The following TXNRD1 variants were observed in gnomAD, a reference collection of about 807,000 sequenced individuals.
TXNRD1 encodes the protein thioredoxin reductase 1, cytoplasmic.
Under a neutral mutation model 80.3 loss-of-function variants are expected in TXNRD1, and 57 were observed. That is an observed-to-expected ratio of 0.71 (90% CI 0.57 to 0.89). The LOEUF is 0.89. Ranked by LOEUF, TXNRD1 falls within the 40% of genes least tolerant of loss-of-function variation. The probability of loss-of-function intolerance (pLI) is 0.00; values close to 1 mark genes in which losing one functional copy is unlikely to be tolerated. For synonymous variants in TXNRD1, 291 were observed against 285.2 expected (o/e 1.02, Z -0.20); for missense variants, 730 against 803.0 (o/e 0.91, Z 1.10).
chr12:104,260,392 G>A (rs546118125), intron 3 of TXNRD1, among the ~76,000 whole-genome samples: 42 of 152,256 alleles, frequency 2.8e-4, no homozygotes, highest in African/African-American at 9.6e-4. Flanking sequence ...GCTTGGACCC[G>A]GGAGGCAGAG....
At chr12:104,339,506 C>A (rs1172057605) in intron 16 of TXNRD1, 2 of 674,588 alleles carry the variant, frequency 3.0e-6, no homozygotes, top group East Asian at 2.9e-5. Flanking sequence ...ATTTATAGAG[C>A]TGTGCCTTAA....
chr12:104,309,923 C>G (rs2035067716), intron 4 of TXNRD1: 1 of 1,536,046 alleles, frequency 6.5e-7, no homozygotes, highest in Non-Finnish European at 8.7e-7. Flanking sequence ...CCCTGAGCCA[C>G]TACGTATGCC....
Position 104,348,537 on chromosome 12 carries a change from C to A in TXNRD1, c.*116C>A. On this transcript the variant is annotated 3_prime_UTR_variant, in exon 17 of 17. Coordinates refer to ENST00000525566, the MANE Select transcript of TXNRD1 (RefSeq NM_001093771.3). ...GCTCTTGGCACCTGCGTGTCCTGTGCTTACCACCGCCCAAGGCCCCCTTGG... is the reference window on the plus strand; with the variant it reads ...GCTCTTGGCACCTGCGTGTCCTGTGATTACCACCGCCCAAGGCCCCCTTGG... 1.1e-6 allele frequency: 1 copy of A among 928,198 alleles called. No homozygotes were observed. The highest frequency in any genetic ancestry group is 1.7e-6 in the Non-Finnish European group (1 of 593,484). 57.5% of individuals were successfully genotyped at this position (928,198 alleles called of 1,614,324 possible).
At chr12:104,253,527 G>A (rs1001358549) in intron 2 of TXNRD1, among the ~76,000 whole-genome samples, 2 of 152,066 alleles carry the variant, frequency 1.3e-5, no homozygotes, top group African/African-American at 4.8e-5. Flanking sequence ...GAAGAGGGCT[G>A]GGCATTAGAA....
chr12:104,311,357 AT>A lies in TXNRD1; in HGVS notation c.483del (p.Tyr161Ter), dbSNP rs1230510071. On this transcript the variant is annotated frameshift_variant, in exon 5 of 17. Transcript: ENST00000525566. LOFTEE classifies it high-confidence loss of function. ...GGCCCTGAAGATCTTCCCAAGTCCTATGACTATGACCTTATCATCATTGGAG... is the reference window on the plus strand; with the variant it reads ...GGCCCTGAAGATCTTCCCAAGTCCTAGACTATGACCTTATCATCATTGGAG... ...MNGPEDLPKSYDYDLIIIGGG... is the reference protein window; with the variant it reads ...MNGPEDLPKSXDYDLIIIGGG... The A allele has an allele frequency of 1.2e-6, 2 of 1,613,412 alleles. No homozygotes were observed. The highest frequency in any genetic ancestry group is 2.7e-5 in the African/African-American group (2 of 74,938).
chr12:104,304,502 A>G (rs542835354), intron 4 of TXNRD1: 8 of 1,613,902 alleles, frequency 5.0e-6, no homozygotes, highest in Non-Finnish European at 6.8e-6. Context: ...TGAACACCAG[A>G]AAAAAGTTCG....
At chr12:104,347,402 G>A (rs982380055) in intron 16 of TXNRD1, among the ~76,000 whole-genome samples, 1 of 152,106 alleles carries the variant, frequency 6.6e-6, no homozygotes, top group African/African-American at 2.4e-5. Flanking sequence ...TTACGTACAG[G>A]CAATCTTGAG....
At chr12:104,255,431 CTTAA>C (rs2033226491) in intron 2 of TXNRD1, among the ~76,000 whole-genome samples, 1 of 152,144 alleles carries the variant, frequency 6.6e-6, no homozygotes, top group South Asian at 2.1e-4. Flanking sequence ...CCCAGTTTTA[CTTAA>C]TTAAAACTAG....
intron 16 of TXNRD1, among the ~76,000 whole-genome samples, chr12:104,347,648 A>G (rs1024293212): frequency 6.6e-6 from 1 of 152,238 alleles, no homozygotes; most frequent in Non-Finnish European, 1.5e-5. Flanking sequence ...CAAAGAGCAT[A>G]TTGGCAACAG....
At chr12:104,309,754 C>T (rs1011595933) in intron 4 of TXNRD1, 29 of 1,518,832 alleles carry the variant, frequency 1.9e-5, no homozygotes, top group Non-Finnish European at 2.6e-5. Context: ...GTTTTTCCCC[C>T]ACAGTGCTTT....
At chr12:104,221,976 A>G (rs751465871) in intron 1 of TXNRD1, among the ~76,000 whole-genome samples, 1 of 152,168 alleles carries the variant, frequency 6.6e-6, no homozygotes, top group Non-Finnish European at 1.5e-5. Context: ...TGCTGTACAG[A>G]CAGGGCAATT....
chr12:104,307,825 A>G (rs1472657357), intron 4 of TXNRD1, among the ~76,000 whole-genome samples: 1 of 152,206 alleles, frequency 6.6e-6, no homozygotes, highest in South Asian at 2.1e-4. Flanking sequence ...TATGACAGGC[A>G]GGTGGATGAA....
intron 3 of TXNRD1, among the ~76,000 whole-genome samples, chr12:104,285,760 G>A (rs1205142369): frequency 6.6e-6 from 1 of 152,098 alleles, no homozygotes; most frequent in East Asian, 1.9e-4. Flanking sequence ...ACTTGGCTTG[G>A]GAGCCAGGAG....
In TXNRD1 at chr12:104,325,408, C is replaced by A. The variant is rs1203174549; in HGVS notation, c.1287C>A (p.Ile429=). ...VVAQSTNSEE[I]IEGEYNTVML... ...CTCAGTCCACCAATAGTGAGGAAAT[C>A]ATTGAAGGAGAATATAATACGGTAA... The change falls in exon 11 of 17, where the codon ATC becomes ATA. Residue 429 remains isoleucine, a synonymous_variant. Transcript: ENST00000525566. The A allele has an allele frequency of 2.5e-6, 4 of 1,612,250 alleles. No homozygotes were observed. The highest frequency in any genetic ancestry group is 1.3e-5 in the African/African-American group (1 of 74,882).
intron 1 of TXNRD1, among the ~76,000 whole-genome samples, chr12:104,229,164 T>TTTTTTTG (rs1565853077): frequency 1.6e-5 from 2 of 122,870 alleles, no homozygotes; most frequent in Admixed American, 8.3e-5. Context: ...TTTTTTTTTT[T>TTTTTTTG]TGAGACAGGG....
Position 104,304,391 on chromosome 12 carries a change from G to C in TXNRD1, c.415-6899G>C, listed in dbSNP as rs558329080. ...TAGCATAGCTCTTTCCTTCTGGAAG[G>C]CAATAGAAAAGGAAGCAACATCCTG... is the stretch of plus-strand genomic sequence containing the variant. On this transcript the variant is annotated intron_variant, in intron 4 of 16. Transcript: ENST00000525566. 2.0e-5 allele frequency: 33 copies of C among 1,613,996 alleles called. No individual in the cohort carries two copies. In the South Asian group the frequency reaches 3.5e-4, roughly 17 times the overall value.
At chr12:104,229,562 CATTTTATTTTATTTT>C (rs201478909) in intron 1 of TXNRD1, among the ~76,000 whole-genome samples, 9 of 141,982 alleles carry the variant, frequency 6.3e-5, no homozygotes, top group South Asian at 2.2e-4. Flanking sequence ...GAATATACAA[CATTTTATTTTATTTT>C]ATTTTATTTT....
chr12:104,278,567 T>C (rs1219232032), intron 3 of TXNRD1, among the ~76,000 whole-genome samples: 1 of 144,204 alleles, frequency 6.9e-6, no homozygotes, highest in Non-Finnish European at 1.5e-5. Flanking sequence ...AGTGGTGCCG[T>C]CTTGGCTCAC....
intron 2 of TXNRD1, among the ~76,000 whole-genome samples, chr12:104,254,175 G>T (rs911371581): frequency 1.3e-5 from 2 of 152,088 alleles, no homozygotes; most frequent in African/African-American, 2.4e-5. Context: ...GATGATAATA[G>T]TATCTATATC....
Sources: gnomAD v4.1 joint callset for allele counts (sites outside exome capture counted in the v4.1 genomes callset) on GRCh38, gnomAD v4.1.1 for gene constraint, MANE v1.5 for transcripts, NCBI Gene and HGNC (gene_info 2026-07-23, HGNC 2026-07-21) for gene names.